The following CABP5 variants were observed in gnomAD, a reference collection of about 807,000 sequenced individuals.
The protein encoded by CABP5 is calcium-binding protein 5.
Under a neutral mutation model 21.9 loss-of-function variants are expected in CABP5, and 17 were observed. The observed-to-expected ratio is 0.78, with a 90% confidence interval of 0.53 to 1.17. CABP5 has a LOEUF of 1.17. Among genes scored for constraint, CABP5 ranks in the 50% most tolerant of loss-of-function variants. CABP5 has a pLI of 0.00. For missense variants in CABP5, 229 were observed against 228.9 expected (o/e 1.00, Z 0.00); for synonymous variants, 85 against 79.4 (o/e 1.07, Z -0.37).
Position 48,030,206 on chromosome 19 carries a change from A to G in CABP5, c.*351T>C, listed in dbSNP as rs1209480594. 2 of 258,422 alleles carry G rather than the reference A, an allele frequency of 7.7e-6. No individual in the cohort carries two copies. The highest frequency in any genetic ancestry group is 1.5e-5 in the Non-Finnish European group (2 of 137,668). The allele number at this position is 258,422 out of a possible 1,614,324, so 16.0% of individuals were successfully genotyped here. ...ACAGGAGAAGAGACTATTTTCACCC[A>G]AGGGGAAGCTGGGGAAGAGACTCTG... is the stretch of plus-strand genomic sequence containing the variant. On this transcript the variant is annotated 3_prime_UTR_variant, in exon 6 of 6. Transcript: ENST00000293255.
chr19:48,036,329 T>C (rs1463764257), intron 4 of CABP5, among the ~76,000 whole-genome samples: 1 of 152,230 alleles, frequency 6.6e-6, no homozygotes, highest in Admixed American at 6.5e-5. Flanking sequence ...CCCAGCATAC[T>C]GTCCTCCAGG....
In CABP5 at chr19:48,040,642, C is replaced by T. The variant is rs944693390; in HGVS notation, c.201G>A (p.Met67Ile). Reference sequence around the variant, plus strand: ...TTTGCTGGCCGAGCTCAATCAGTTCCATCTCCGTGGGCATGTAACCCATCG... The same window carrying T: ...TTTGCTGGCCGAGCTCAATCAGTTCTATCTCCGTGGGCATGTAACCCATCG... ...MRTMGYMPTE[M>I]ELIELGQQIR... The change falls in exon 3 of 6, where the codon ATG becomes ATA. Residue 67 changes from methionine (M) to isoleucine (I), a missense_variant. Met to Ile is a conservative substitution (Grantham distance 10). Coordinates refer to ENST00000293255, the MANE Select transcript of CABP5 (RefSeq NM_019855.5). 3.7e-6 allele frequency: 6 copies of T among 1,614,010 alleles called. No individual in the cohort carries two copies. In the Middle Eastern group the frequency reaches 4.9e-4, roughly 133 times the overall value.
chr19:48,030,525 G>T lies in CABP5; in HGVS notation c.*32C>A. On this transcript the variant is annotated 3_prime_UTR_variant, in exon 6 of 6. Transcript: ENST00000293255. ...ACAAGCGCTTGCTCCATGTTGACCA[G>T]GTGGAGAGGGTCTGGAGCTTCCAGG... is the stretch of plus-strand genomic sequence containing the variant. 6.2e-7 allele frequency: 1 copy of T among 1,605,200 alleles called. No individual in the cohort carries two copies. Among genetic ancestry groups the T allele is most frequent in the South Asian group, 1.1e-5 (1 of 89,774 alleles).
chr19:48,039,718 T>TC, intron 3 of CABP5, among the ~76,000 whole-genome samples: 1 of 130,880 alleles, frequency 7.6e-6, no homozygotes, highest in Non-Finnish European at 1.6e-5. Context: ...TTTTTTTTTT[T>TC]TTTTTTTTTT....
chr19:48,040,707 C>A lies in CABP5; in HGVS notation c.136G>T (p.Gly46Trp). The change falls in exon 3 of 6, where the codon GGG becomes TGG. Residue 46 changes from glycine (G) to tryptophan (W), a missense_variant. Transcript: ENST00000293255. ...CCCAGATCCTTACAAGAGATGAACCCATCTCGGTCCTTATCGAACTCAAGA... is the reference window on the plus strand; with the variant it reads ...CCCAGATCCTTACAAGAGATGAACCAATCTCGGTCCTTATCGAACTCAAGA... The part of the protein sequence containing the change: ...AFLEFDKDRD[G>W]FISCKDLGNL... 6.2e-7 allele frequency: 1 copy of A among 1,614,042 alleles called. No individual in the cohort carries two copies. Among genetic ancestry groups the A allele is most frequent in the Non-Finnish European group, 8.5e-7 (1 of 1,179,970 alleles).
At chr19:48,039,524 A>G (rs1016649394) in intron 3 of CABP5, among the ~76,000 whole-genome samples, 7 of 152,036 alleles carry the variant, frequency 4.6e-5, no homozygotes, top group Admixed American at 4.6e-4. Context: ...GTATGGTGGA[A>G]GTAACTGCCT....
At chr19:48,039,970 C>T (rs1600127342) in intron 3 of CABP5, among the ~76,000 whole-genome samples, 1 of 152,206 alleles carries the variant, frequency 6.6e-6, no homozygotes, top group East Asian at 1.9e-4. Context: ...CCACCTCAGC[C>T]TCCCAGAGTG....
At chr19:48,030,641 AT>A in intron 5 of CABP5, 59 bp from the exon 6 acceptor site, 1 of 1,567,884 alleles carries the variant, frequency 6.4e-7, no homozygotes, top group Non-Finnish European at 8.7e-7. Context: ...CCCCAACATT[AT>A]TTTTTGAGCC....
In CABP5 at chr19:48,029,837, A is replaced by ACAGAGAGAG. The variant is rs55880842; in HGVS notation, c.*719_*720insCTCTCTCTG. The ACAGAGAGAG allele has an allele frequency of 6.7e-6, 1 of 149,866 alleles. No homozygotes were observed. Among genetic ancestry groups the ACAGAGAGAG allele is most frequent in the African/African-American group, 2.4e-5 (1 of 40,846 alleles). The allele number at this position is 149,866 out of a possible 1,614,324, so 9.3% of individuals were successfully genotyped here. A position where few individuals can be genotyped will look rare whatever the true frequency, so the allele number is the denominator to read the frequency against. ...GAGAGAGAGAGAGAGAGAGAGAGAG[A>ACAGAGAGAG]AACCAGACAGTGCTTCCAGGAAATC... On this transcript the variant is annotated 3_prime_UTR_variant, in exon 6 of 6. Coordinates refer to ENST00000293255, the MANE Select transcript of CABP5 (RefSeq NM_019855.5).
intron 4 of CABP5, among the ~76,000 whole-genome samples, chr19:48,035,158 C>T (rs1857767768): frequency 6.6e-6 from 1 of 152,154 alleles, no homozygotes; most frequent in African/African-American, 2.4e-5. Flanking sequence ...AACCACCTTT[C>T]TTTTTATTTG....
intron 5 of CABP5, among the ~76,000 whole-genome samples, chr19:48,030,914 G>A (rs909292286): frequency 2.0e-5 from 3 of 150,784 alleles, no homozygotes; most frequent in Admixed American, 2.0e-4. Flanking sequence ...GATCGCTTGA[G>A]CCCAGGAGTT....
intron 2 of CABP5, 68 bp from the exon 3 acceptor site, chr19:48,040,816 G>A: frequency 6.6e-7 from 1 of 1,513,844 alleles, no homozygotes; most frequent in Admixed American, 1.7e-5. Flanking sequence ...ATCTCTTGAA[G>A]CTATCAATGA....
intron 1 of CABP5, among the ~76,000 whole-genome samples, chr19:48,042,455 T>C (rs927080231): frequency 3.3e-5 from 5 of 152,180 alleles, no homozygotes; most frequent in African/African-American, 9.7e-5. Context: ...ACAAGGAAAT[T>C]CTACTGACCT....
chr19:48,040,548 A>G lies in CABP5; in HGVS notation c.238+57T>C, dbSNP rs73567297. The G allele has an allele frequency of 2.6e-3, 4,213 of 1,591,178 alleles. 113 individuals carry two copies. The African/African-American group carries it at 0.047, about 18-fold the overall frequency. On this transcript the variant is annotated intron_variant, in intron 3 of 5. Coordinates refer to ENST00000293255, the MANE Select transcript of CABP5 (RefSeq NM_019855.5). ...TACTCTTAACCTCTACATCCTTCCC[A>G]ATTCTGCCCTGATCCCTTCCCTAAC...
Position 48,029,394 on chromosome 19 carries a change from C to G in CABP5, c.*1163G>C, listed in dbSNP as rs1179021734. 2.6e-5 allele frequency among the ~76,000 whole-genome samples: 4 copies of G among 152,084 alleles called. No individual in the cohort carries two copies. Among genetic ancestry groups the G allele is most frequent in the Admixed American group, 2.6e-4 (4 of 15,252 alleles). ...GTTGGAGGAAGGCATGAAGTTAATT[C>G]TTTATTTTGACTTTTATTTTAACCT... On this transcript the variant is annotated 3_prime_UTR_variant, in exon 6 of 6. Coordinates refer to ENST00000293255, the MANE Select transcript of CABP5 (RefSeq NM_019855.5).
At chr19:48,031,159 T>C (rs536898164) in intron 5 of CABP5, among the ~76,000 whole-genome samples, 11 of 152,262 alleles carry the variant, frequency 7.2e-5, no homozygotes, top group African/African-American at 2.4e-4. Context: ...ATTTAAAAAA[T>C]GGGAATCCTA....
intron 4 of CABP5, 74 bp from the exon 5 acceptor site, chr19:48,034,436 C>A: frequency 4.9e-6 from 6 of 1,217,408 alleles, no homozygotes; most frequent in Non-Finnish European, 6.6e-6. Flanking sequence ...GTTTACCTAT[C>A]GCTTACTGTG....
In CABP5 at chr19:48,039,190, A is replaced by G. The variant is rs778777925; in HGVS notation, c.348+18T>C. 3.8e-6 allele frequency: 6 copies of G among 1,591,110 alleles called. No homozygotes were observed. The highest frequency in any genetic ancestry group is 5.2e-6 in the Non-Finnish European group (6 of 1,159,094). On this transcript the variant is annotated intron_variant, in intron 4 of 5. Coordinates refer to ENST00000293255, the MANE Select transcript of CABP5 (RefSeq NM_019855.5). The stretch of plus-strand genomic sequence containing the variant: ...GTCTGCCTCTACCATCACCAGCACC[A>G]TGACACTGTTAACTCACCTCCTTGA...
At chr19:48,038,394 G>T (rs1012804232) in intron 4 of CABP5, among the ~76,000 whole-genome samples, 2 of 152,126 alleles carry the variant, frequency 1.3e-5, no homozygotes, top group South Asian at 2.1e-4. Flanking sequence ...TTTTATCAGG[G>T]GATATAAGCA....
Sources: allele counts gnomAD v4.1 joint callset (sites outside exome capture counted in the v4.1 genomes callset), GRCh38; gene constraint gnomAD v4.1.1; transcripts MANE v1.5; gene names NCBI Gene and HGNC (gene_info 2026-07-23, HGNC 2026-07-21).